Variants in ARMH3 observed in about 807,000 individuals in gnomAD.
ARMH3 encodes the protein armadillo-like helical domain-containing protein 3.
In ARMH3, 60 loss-of-function variants were observed where a neutral mutation model predicts 99.1. That is an observed-to-expected ratio of 0.61 (90% CI 0.49 to 0.75). ARMH3 has a LOEUF of 0.75. Ranked by LOEUF, ARMH3 falls within the 30% of genes least tolerant of loss-of-function variation. The probability of loss-of-function intolerance (pLI) is 0.00; values close to 1 mark genes in which losing one functional copy is unlikely to be tolerated. For synonymous variants in ARMH3, 285 were observed against 292.8 expected, an observed-to-expected ratio of 0.97 and a Z score of 0.27; for missense variants, 679 against 843.1, an observed-to-expected ratio of 0.81 and a Z score of 2.41.
chr10:101,900,892 G>A (rs1048477843), intron 23 of ARMH3, among the ~76,000 whole-genome samples: 1 of 152,068 alleles, frequency 6.6e-6, no homozygotes, highest in African/African-American at 2.4e-5. Context: ...GATGAGGCAT[G>A]AGAATTGCTT....
At chr10:101,988,627 C>G (rs1846620859) in intron 19 of ARMH3, among the ~76,000 whole-genome samples, 1 of 152,092 alleles carries the variant, frequency 6.6e-6, no homozygotes, top group Non-Finnish European at 1.5e-5. Flanking sequence ...TATAAGCAAT[C>G]TAAGAAGCCG....
chr10:101,942,865 CAAAAA>C (rs1048644026), intron 22 of ARMH3, among the ~76,000 whole-genome samples: 1 of 91,100 alleles, frequency 1.1e-5, no homozygotes. Context: ...GACTCCATCT[CAAAAA>C]AAAAAAAAAA....
rs2067623980 is a variant in ARMH3, at chr10:101,889,110, A to G, written c.1860+302T>C. ...TCATTTCTTATTTTCAAAAATCAAA[A>G]TGACTCTCTGCCTAAAATTTTAAAA... On this transcript the variant is annotated intron_variant, in intron 24 of 25. Transcript: ENST00000370033. Among the ~76,000 whole-genome samples the G allele has an allele frequency of 2.0e-5, 3 of 152,264 alleles. No individual in the cohort carries two copies. In the South Asian group the frequency reaches 6.2e-4, roughly 32 times the overall value.
At chr10:102,044,934 G>A (rs1363785638) in intron 1 of ARMH3, among the ~76,000 whole-genome samples, 1 of 151,936 alleles carries the variant, frequency 6.6e-6, no homozygotes, top group Non-Finnish European at 1.5e-5. Context: ...TCAGGAGTTC[G>A]AGAACAGCCT....
intron 24 of ARMH3, among the ~76,000 whole-genome samples, chr10:101,877,580 C>T (rs2067300592): frequency 6.6e-6 from 1 of 151,984 alleles, no homozygotes; most frequent in Non-Finnish European, 1.5e-5. Context: ...CGCTTGAACC[C>T]GGGAGGTGGA....
chr10:101,926,995 A>AT (rs1247682588), intron 23 of ARMH3, among the ~76,000 whole-genome samples: 1 of 152,036 alleles, frequency 6.6e-6, no homozygotes, highest in Non-Finnish European at 1.5e-5. Flanking sequence ...CCATTATAGA[A>AT]TGAGTCCACT....
intron 15 of ARMH3, 118 bp downstream of exon 15, chr10:102,001,853 G>T: frequency 1.1e-6 from 1 of 881,964 alleles, no homozygotes; most frequent in Non-Finnish European, 1.8e-6. Flanking sequence ...TGAAGACCAT[G>T]TACACAAGGC....
Position 102,009,366 on chromosome 10 carries a change from T to C in ARMH3, c.954+8A>G. 6.2e-7 allele frequency: 1 copy of C among 1,610,312 alleles called. No homozygotes were observed. Among genetic ancestry groups the C allele is most frequent in the Non-Finnish European group, 8.5e-7 (1 of 1,177,288 alleles). On this transcript the variant is annotated splice_region_variant and intron_variant, in intron 13 of 25. Transcript: ENST00000370033. ...GAAAAAAACACTGGGATTTTTAATG[T>C]GACCAACCTGAGCTAATACTGTGAT...
At chr10:101,866,465 C>T (rs1465957343) in intron 24 of ARMH3, among the ~76,000 whole-genome samples, 1 of 134,950 alleles carries the variant, frequency 7.4e-6, no homozygotes, top group Non-Finnish European at 1.6e-5. Flanking sequence ...AAAATGAATC[C>T]AGTGTAAGGA....
intron 24 of ARMH3, among the ~76,000 whole-genome samples, chr10:101,864,759 G>A (rs1466462305): frequency 2.6e-5 from 4 of 152,176 alleles, no homozygotes; most frequent in South Asian, 2.1e-4. Flanking sequence ...GGGGAGAGGG[G>A]GAAGGGATAG....
chr10:102,044,482 C>T (rs1235553695), intron 1 of ARMH3, among the ~76,000 whole-genome samples: 4 of 150,876 alleles, frequency 2.7e-5, no homozygotes, highest in African/African-American at 9.8e-5. Context: ...GCCATCCTCT[C>T]GCTTCAGCCT....
chr10:101,879,003 C>A (rs564521490), intron 24 of ARMH3, among the ~76,000 whole-genome samples: 1 of 152,312 alleles, frequency 6.6e-6, no homozygotes. Context: ...GCCTGACTGG[C>A]AGGCACAGTC....
intron 23 of ARMH3, among the ~76,000 whole-genome samples, chr10:101,915,297 C>T (rs113208776): frequency 2.3e-3 from 351 of 152,248 alleles, no homozygotes; most frequent in African/African-American, 8.0e-3. Context: ...GACCCAGGGA[C>T]ATTTGTTCAG....
intron 20 of ARMH3, among the ~76,000 whole-genome samples, chr10:101,969,863 T>C (rs1432840459): frequency 6.6e-6 from 1 of 152,186 alleles, no homozygotes; most frequent in Non-Finnish European, 1.5e-5. Context: ...AGCAAGTCAC[T>C]TAACCCTTCT....
intron 23 of ARMH3, chr10:101,889,774 T>A: frequency 2.8e-6 from 1 of 356,178 alleles, no homozygotes. Flanking sequence ...ATTGAGTCCT[T>A]CAGATGAGAA....
intron 2 of ARMH3, among the ~76,000 whole-genome samples, chr10:102,036,918 G>T (rs1275774291): frequency 6.6e-6 from 1 of 151,274 alleles, no homozygotes; most frequent in Non-Finnish European, 1.5e-5. Flanking sequence ...CAGGCATGGT[G>T]GCATGCGCCT....
intron 23 of ARMH3, among the ~76,000 whole-genome samples, chr10:101,937,754 A>G (rs991733433): frequency 2.6e-5 from 4 of 151,440 alleles, no homozygotes; most frequent in Non-Finnish European, 4.4e-5. Context: ...TAGATGTCAG[A>G]AAAAAAAAGG....
rs1391744182 is a variant in ARMH3 at position 102,029,759 on chromosome 10, AG to A, written c.307-15del. The A allele has an allele frequency of 1.2e-6, 2 of 1,605,856 alleles. No homozygotes were observed. Among genetic ancestry groups the A allele is most frequent in the South Asian group, 1.1e-5 (1 of 90,936 alleles). ...TGCGCACAGGGTCTGCAGAAATGAGAGAAAGAATTCTTTCTGGAGAGGAAGT... is the reference window on the plus strand; with the variant it reads ...TGCGCACAGGGTCTGCAGAAATGAGAAAAGAATTCTTTCTGGAGAGGAAGT... On this transcript the variant is annotated splice_polypyrimidine_tract_variant and intron_variant, in intron 4 of 25. Transcript: ENST00000370033.
intron 23 of ARMH3, among the ~76,000 whole-genome samples, chr10:101,915,800 CTTT>C (rs781162716): frequency 7.6e-6 from 1 of 130,856 alleles, no homozygotes; most frequent in African/African-American, 2.8e-5. Context: ...ATTGCAAGTC[CTTT>C]TTTTTTTTTT....
Sources: gnomAD v4.1 joint callset for allele counts (sites outside exome capture counted in the v4.1 genomes callset) on GRCh38, gnomAD v4.1.1 for gene constraint, MANE v1.5 for transcripts, NCBI Gene and HGNC (gene_info 2026-07-23, HGNC 2026-07-21) for gene names.